HTR1F: variants seen among roughly 807,000 people sequenced by gnomAD.
The protein encoded by HTR1F is 5-hydroxytryptamine receptor 1F, also known as 5-hydroxytryptamine (serotonin) receptor 1F, G protein-coupled.
Under a neutral mutation model 24.0 loss-of-function variants are expected in HTR1F, and 17 were observed. That is an observed-to-expected ratio of 0.71 (90% CI 0.48 to 1.06). The LOEUF (loss-of-function observed/expected upper bound fraction) is 1.06. HTR1F is among the 50% of genes least tolerant of loss of function. HTR1F has a pLI of 0.00. For missense variants in HTR1F, 391 were observed against 427.8 expected (o/e 0.91, Z 0.76); for synonymous variants, 186 against 156.8 (o/e 1.19, Z -1.39).
At chr3:87,813,748 T>C (rs1704200069) in intron 1 of HTR1F, among the ~76,000 whole-genome samples, 2 of 152,198 alleles carry the variant, frequency 1.3e-5, no homozygotes, top group African/African-American at 4.8e-5. Flanking sequence ...CCCATGCTGT[T>C]CACATGATAG....
intron 2 of HTR1F, among the ~76,000 whole-genome samples, chr3:87,959,889 A>G (rs1288172505): frequency 6.6e-6 from 1 of 151,896 alleles, no homozygotes; most frequent in Non-Finnish European, 1.5e-5. Context: ...TGTCATTTAT[A>G]TAGAAAAAGA....
chr3:87,884,114 A>G (rs1705877998), intron 2 of HTR1F, among the ~76,000 whole-genome samples: 1 of 152,184 alleles, frequency 6.6e-6, no homozygotes, highest in African/African-American at 2.4e-5. Context: ...ATTACTCACA[A>G]AGGGAAGCCC....
At chr3:87,798,200 C>T (rs1427636390) in intron 1 of HTR1F, among the ~76,000 whole-genome samples, 1 of 152,064 alleles carries the variant, frequency 6.6e-6, no homozygotes, top group Non-Finnish European at 1.5e-5. Context: ...TGTCTCTGCC[C>T]CCTCCCCCTT....
chr3:87,895,275 C>T (rs960222168), intron 2 of HTR1F, among the ~76,000 whole-genome samples: 2 of 151,930 alleles, frequency 1.3e-5, no homozygotes, highest in African/African-American at 2.4e-5. Context: ...ACACTTTATA[C>T]AGATTAAATA....
intron 2 of HTR1F, among the ~76,000 whole-genome samples, chr3:87,837,179 C>T (rs147292765): frequency 1.4e-4 from 21 of 152,036 alleles, no homozygotes; most frequent in African/African-American, 5.1e-4. Context: ...ACCAATTAAA[C>T]AATCTTCAGT....
At chr3:87,950,306 C>G (rs1704804709) in intron 2 of HTR1F, among the ~76,000 whole-genome samples, 1 of 152,150 alleles carries the variant, frequency 6.6e-6, no homozygotes, top group Non-Finnish European at 1.5e-5. Flanking sequence ...CAAACCATAG[C>G]AAACAACTTT....
intron 2 of HTR1F, among the ~76,000 whole-genome samples, chr3:87,895,598 C>G (rs1243313199): frequency 2.0e-5 from 3 of 151,944 alleles, no homozygotes; most frequent in Non-Finnish European, 4.4e-5. Flanking sequence ...CGGATTTTAC[C>G]AGATTAATAG....
At chr3:87,971,886 C>T (rs1342555083) in intron 2 of HTR1F, among the ~76,000 whole-genome samples, 1 of 152,136 alleles carries the variant, frequency 6.6e-6, no homozygotes, top group African/African-American at 2.4e-5. Flanking sequence ...TTGCCTACTT[C>T]TACTGATATA....
rs535618031 is a variant in HTR1F at position 87,831,445 on chromosome 3, C to T, written c.-43+9321C>T. Among the ~76,000 whole-genome samples, 10 of 151,640 alleles carry T rather than the reference C, an allele frequency of 6.6e-5. No individual in the cohort carries two copies. In the East Asian group the frequency reaches 1.9e-3, roughly 29 times the overall value. ...TGGCGCCATCTCGGCTCACCGCAAG[C>T]TCAGCCTCCCGGCTTCACGCCATTC... On this transcript the variant is annotated intron_variant, in intron 2 of 2. Transcript: ENST00000319595.
chr3:87,850,984 T>C, intron 2 of HTR1F, among the ~76,000 whole-genome samples: 1 of 151,678 alleles, frequency 6.6e-6, no homozygotes, highest in East Asian at 1.9e-4. Flanking sequence ...TAAAAATTGT[T>C]ATTATTTGGT....
Position 87,894,225 on chromosome 3 carries a change from T to C in HTR1F, c.-43+72101T>C, listed in dbSNP as rs148954392. Among the ~76,000 whole-genome samples, 38 of 152,288 alleles carry C rather than the reference T, an allele frequency of 2.5e-4. 1 individual carries two copies. In the East Asian group the frequency reaches 6.8e-3, roughly 27 times the overall value. On this transcript the variant is annotated intron_variant, in intron 2 of 2. Coordinates refer to ENST00000319595, the MANE Select transcript of HTR1F (RefSeq NM_001322209.2). ...CGCAAAGTCTGTTGTGTCATTCTTA[T>C]GCCTTTGCATCCTCATAGCTTAGCT...
intron 2 of HTR1F, among the ~76,000 whole-genome samples, chr3:87,879,121 A>G (rs1705731726): frequency 6.6e-6 from 1 of 152,190 alleles, no homozygotes; most frequent in Non-Finnish European, 1.5e-5. Context: ...ATTTCAACTA[A>G]GTAATTTCTT....
intron 2 of HTR1F, among the ~76,000 whole-genome samples, chr3:87,891,345 T>C (rs1706082700): frequency 6.6e-6 from 1 of 152,196 alleles, no homozygotes; most frequent in South Asian, 2.1e-4. Flanking sequence ...AGTGCTTAAT[T>C]GACATAAAGT....
intron 2 of HTR1F, among the ~76,000 whole-genome samples, chr3:87,878,567 C>T (rs1328330650): frequency 2.0e-5 from 3 of 152,080 alleles, no homozygotes. Context: ...AAATGCCCAT[C>T]GTATCTCTAA....
chr3:87,837,264 C>T (rs138757498), intron 2 of HTR1F, among the ~76,000 whole-genome samples: 86 of 152,118 alleles, frequency 5.7e-4, no homozygotes, highest in African/African-American at 1.8e-3. Context: ...TGTCATAATT[C>T]TTTCTCCATA....
intron 2 of HTR1F, among the ~76,000 whole-genome samples, chr3:87,951,876 A>C (rs9917646): frequency 0.44 from 66,883 of 151,776 alleles, 15,751 homozygotes; most frequent in African/African-American, 0.61. Context: ...GTACTGACTC[A>C]ATAGTTTTGC....
intron 1 of HTR1F, among the ~76,000 whole-genome samples, chr3:87,818,883 C>T (rs553216350): frequency 1.8e-4 from 27 of 152,182 alleles, no homozygotes; most frequent in Non-Finnish European, 3.2e-4. Context: ...TTAGAATCTA[C>T]TCCTTAAGCT....
At chr3:87,881,284 TG>T (rs1367574096) in intron 2 of HTR1F, among the ~76,000 whole-genome samples, 1 of 152,212 alleles carries the variant, frequency 6.6e-6, no homozygotes, top group Non-Finnish European at 1.5e-5. Flanking sequence ...TTATGTCTCA[TG>T]CATGGCTTGG....
chr3:87,815,289 A>AATATAT (rs113697106), intron 1 of HTR1F, among the ~76,000 whole-genome samples: 1 of 149,866 alleles, frequency 6.7e-6, no homozygotes, highest in African/African-American at 2.4e-5. Context: ...GGGTGAATCA[A>AATATAT]ATATATATAT....
Sources: gnomAD v4.1 joint callset for allele counts (sites outside exome capture counted in the v4.1 genomes callset) on GRCh38, gnomAD v4.1.1 for gene constraint, MANE v1.5 for transcripts, NCBI Gene and HGNC (gene_info 2026-07-23, HGNC 2026-07-21) for gene names.